CACNA2D1: variants seen among roughly 807,000 people sequenced by gnomAD.
CACNA2D1 encodes voltage-dependent calcium channel subunit alpha-2/delta-1.
In CACNA2D1, 53 loss-of-function variants were observed where a neutral mutation model predicts 171.5. The ratio of observed to expected loss-of-function variants is 0.31; its 90% CI spans 0.25 to 0.39. The LOEUF is 0.39. CACNA2D1 is among the 10% of genes least tolerant of loss of function. The probability of loss-of-function intolerance (pLI) is 1.00; values close to 1 mark genes in which losing one functional copy is unlikely to be tolerated. For missense variants in CACNA2D1, 903 were observed against 1,299.8 expected (o/e 0.69, Z 4.69); for synonymous variants, 442 against 443.1 (o/e 1.00, Z 0.03).
At chr7:82,023,397 C>T (rs1285270241) in intron 12 of CACNA2D1, among the ~76,000 whole-genome samples, 1 of 151,768 alleles carries the variant, frequency 6.6e-6, no homozygotes. Context: ...AACCTTTTGG[C>T]CTCATTAAAT....
chr7:81,967,261 A>T, intron 30 of CACNA2D1, 54 bp from the exon 31 acceptor site: 2 of 1,308,240 alleles, frequency 1.5e-6, no homozygotes, highest in Non-Finnish European at 2.2e-6. Flanking sequence ...GATTTTAATT[A>T]TATTATTACC....
At chr7:82,059,825 G>C (rs1806392465) in intron 10 of CACNA2D1, among the ~76,000 whole-genome samples, 1 of 149,866 alleles carries the variant, frequency 6.7e-6, no homozygotes, top group Non-Finnish European at 1.5e-5. Context: ...CATAAAAAAT[G>C]ATGAGTTCAT....
At chr7:82,199,282 G>C (rs776929082) in intron 3 of CACNA2D1, among the ~76,000 whole-genome samples, 6 of 151,930 alleles carry the variant, frequency 3.9e-5, no homozygotes, top group Non-Finnish European at 8.8e-5. Flanking sequence ...TGTTACAAAG[G>C]CTCACAATAA....
chr7:82,303,119 G>A (rs1010657312), intron 3 of CACNA2D1, among the ~76,000 whole-genome samples: 1 of 152,032 alleles, frequency 6.6e-6, no homozygotes, highest in Non-Finnish European at 1.5e-5. Context: ...TCAGCCTCCT[G>A]AGTAGCTGGG....
intron 38 of CACNA2D1, among the ~76,000 whole-genome samples, chr7:81,950,947 C>T (rs1279202502): frequency 1.3e-5 from 2 of 151,948 alleles, no homozygotes; most frequent in African/African-American, 4.8e-5. Context: ...AATACATTTC[C>T]ATTTCCCATA....
intron 10 of CACNA2D1, chr7:82,050,416 T>C (rs910175137): frequency 5.1e-6 from 3 of 588,672 alleles, no homozygotes; most frequent in Non-Finnish European, 9.1e-6. Flanking sequence ...TGCCCAAACC[T>C]CAATTCCCAC....
chr7:82,375,170 T>C (rs938891623), intron 1 of CACNA2D1, among the ~76,000 whole-genome samples: 1 of 152,084 alleles, frequency 6.6e-6, no homozygotes, highest in African/African-American at 2.4e-5. Flanking sequence ...TCAAACAGAA[T>C]GTCCCACCCT....
At chr7:82,173,984 A>T (rs1175879762) in intron 3 of CACNA2D1, among the ~76,000 whole-genome samples, 2 of 145,182 alleles carry the variant, frequency 1.4e-5, no homozygotes. Context: ...TCAAAGTTAC[A>T]GTGATCTATG....
intron 1 of CACNA2D1, among the ~76,000 whole-genome samples, chr7:82,407,319 A>G (rs973308274): frequency 1.3e-5 from 2 of 152,370 alleles, no homozygotes; most frequent in East Asian, 1.9e-4. Context: ...AGAGCTTCTC[A>G]TATCACTAAA....
At chr7:82,164,087 A>G (rs1795210262) in intron 4 of CACNA2D1, among the ~76,000 whole-genome samples, 1 of 151,970 alleles carries the variant, frequency 6.6e-6, no homozygotes, top group Non-Finnish European at 1.5e-5. Flanking sequence ...AGGCGCCATG[A>G]CTATACCAAA....
intron 3 of CACNA2D1, among the ~76,000 whole-genome samples, chr7:82,190,611 C>T (rs1272730107): frequency 6.6e-6 from 1 of 151,632 alleles, no homozygotes; most frequent in Non-Finnish European, 1.5e-5. Flanking sequence ...ATTCCAAGTC[C>T]TTTTCAAACT....
chr7:82,096,961 A>G (rs1329150497), intron 6 of CACNA2D1, among the ~76,000 whole-genome samples: 1 of 152,170 alleles, frequency 6.6e-6, no homozygotes, highest in African/African-American at 2.4e-5. Context: ...TTTGCTTTGC[A>G]TAACAGACCC....
At chr7:82,225,849 T>C (rs1047798522) in intron 3 of CACNA2D1, among the ~76,000 whole-genome samples, 4 of 152,220 alleles carry the variant, frequency 2.6e-5, no homozygotes, top group African/African-American at 7.2e-5. Context: ...ACCCATTTAA[T>C]TGAATATCAA....
At position 82,366,723 on chromosome 7, in the gene CACNA2D1, T is replaced by A. The variant is rs190910419; in HGVS notation, c.96-17074A>T. 5.4e-4 allele frequency among the ~76,000 whole-genome samples: 82 copies of A among 152,198 alleles called. No homozygotes were observed. In the East Asian group the frequency reaches 0.011, roughly 21 times the overall value. On this transcript the variant is annotated intron_variant, in intron 1 of 38. Coordinates refer to ENST00000356860, the MANE Select transcript of CACNA2D1 (RefSeq NM_000722.4). The stretch of plus-strand genomic sequence containing the variant: ...CTTTGGCAGAATGATTTATTTTCCT[T>A]TGGGTATATATATCCAGTAATGGGA...
At chr7:81,968,515 T>C (rs1275618596) in intron 29 of CACNA2D1, among the ~76,000 whole-genome samples, 1 of 151,420 alleles carries the variant, frequency 6.6e-6, no homozygotes, top group Non-Finnish European at 1.5e-5. Flanking sequence ...AACTTTTTTG[T>C]ACAAATATGT....
chr7:82,117,859 A>G (rs1215925168), intron 5 of CACNA2D1, among the ~76,000 whole-genome samples: 1 of 152,144 alleles, frequency 6.6e-6, no homozygotes, highest in Non-Finnish European at 1.5e-5. Context: ...AACCTAACTA[A>G]TATTATCCAC....
chr7:82,124,575 T>G (rs1387608634), intron 5 of CACNA2D1, among the ~76,000 whole-genome samples: 1 of 152,174 alleles, frequency 6.6e-6, no homozygotes, highest in Non-Finnish European at 1.5e-5. Context: ...CTACTTCATT[T>G]ACACAGAGTG....
At chr7:82,430,965 GCA>G (rs1829622520) in intron 1 of CACNA2D1, among the ~76,000 whole-genome samples, 1 of 152,252 alleles carries the variant, frequency 6.6e-6, no homozygotes, top group Non-Finnish European at 1.5e-5. Context: ...ACTCTCTGTG[GCA>G]CAGTTCTCCT....
chr7:82,370,418 A>G (rs892612208), intron 1 of CACNA2D1, among the ~76,000 whole-genome samples: 7 of 151,896 alleles, frequency 4.6e-5, no homozygotes, highest in South Asian at 2.1e-4. Flanking sequence ...AATGATTAAA[A>G]TTAGTGATAA....
Sources: gnomAD v4.1 joint callset for allele counts (sites outside exome capture counted in the v4.1 genomes callset) on GRCh38, gnomAD v4.1.1 for gene constraint, MANE v1.5 for transcripts, NCBI Gene and HGNC (gene_info 2026-07-23, HGNC 2026-07-21) for gene names.